PTPRN2: variants seen among roughly 807,000 people sequenced by gnomAD.
The protein encoded by PTPRN2 is receptor-type tyrosine-protein phosphatase N2.
In PTPRN2, 74 loss-of-function variants were observed where a neutral mutation model predicts 118.8. The observed-to-expected ratio is 0.62, with a 90% CI of 0.52 to 0.76. The LOEUF (loss-of-function observed/expected upper bound fraction) is 0.76. Ranked by LOEUF, PTPRN2 falls within the 30% of genes least tolerant of loss-of-function variation. The pLI is 0.00. For missense variants in PTPRN2, 1,481 were observed against 1,394.4 expected, an observed-to-expected ratio of 1.06 and a Z score of -0.99; for synonymous variants, 641 against 608.0, an observed-to-expected ratio of 1.05 and a Z score of -0.80.
At chr7:158,469,219 A>G (rs1819663075) in intron 2 of PTPRN2, among the ~76,000 whole-genome samples, 1 of 152,230 alleles carries the variant, frequency 6.6e-6, no homozygotes, top group Non-Finnish European at 1.5e-5. Flanking sequence ...AGGCAGGTGG[A>G]TCATTTGAGG....
intron 12 of PTPRN2, among the ~76,000 whole-genome samples, chr7:157,724,564 A>T (rs1799422224): frequency 6.6e-6 from 1 of 152,168 alleles, no homozygotes; most frequent in Non-Finnish European, 1.5e-5. Flanking sequence ...TAGGTTAGAG[A>T]CGTACTGGAT....
At chr7:158,146,626 C>T (rs373048748) in intron 6 of PTPRN2, among the ~76,000 whole-genome samples, 6,415 of 136,512 alleles carry the variant, frequency 0.047, 306 homozygotes, top group African/African-American at 0.07. Flanking sequence ...GAGCCTGAGG[C>T]AGAAGAATGG....
intron 3 of PTPRN2, among the ~76,000 whole-genome samples, chr7:158,238,364 G>A (rs1161833847): frequency 6.6e-6 from 1 of 152,018 alleles, no homozygotes; most frequent in Non-Finnish European, 1.5e-5. Context: ...AATAAAGCGG[G>A]GGGTGTGGGT....
At chr7:158,308,176 G>T (rs1801435307) in intron 3 of PTPRN2, among the ~76,000 whole-genome samples, 1 of 152,114 alleles carries the variant, frequency 6.6e-6, no homozygotes, top group Non-Finnish European at 1.5e-5. Context: ...AGACTATGAA[G>T]GCCAAGAGGC....
intron 11 of PTPRN2, among the ~76,000 whole-genome samples, chr7:157,958,757 C>T (rs1441682320): frequency 6.6e-6 from 1 of 152,154 alleles, no homozygotes; most frequent in African/African-American, 2.4e-5. Flanking sequence ...TGAAAGAAGA[C>T]ACAAATAAGT....
rs1025108896 is a variant in PTPRN2, at chr7:157,611,930, C to G, written c.2345-7855G>C. Among the ~76,000 whole-genome samples the G allele has an allele frequency of 2.0e-5, 3 of 152,236 alleles. No homozygotes were observed. The highest frequency in any genetic ancestry group is 4.8e-5 in the African/African-American group (2 of 41,554). ...CGGAGGGAGAGCGCCCGTGTGAAGA[C>G]GAAGACAGCCGTGGTCGTGCTGAGG... is the stretch of plus-strand genomic sequence containing the variant. On this transcript the variant is annotated intron_variant, in intron 15 of 22. Coordinates refer to ENST00000389418, the MANE Select transcript of PTPRN2 (RefSeq NM_002847.5). The surrounding 1 kb of genome is among the most constrained non-coding windows in gnomAD (Gnocchi z 5.9).
intron 12 of PTPRN2, among the ~76,000 whole-genome samples, chr7:157,773,829 G>A (rs553135803): frequency 4.3e-4 from 65 of 152,294 alleles, no homozygotes; most frequent in African/African-American, 1.6e-3. Context: ...AACAATAACT[G>A]GACTGATCCA....
At chr7:158,523,400 A>ATCTGCCCTGGAGCGGAG (rs1563392294) in intron 1 of PTPRN2, among the ~76,000 whole-genome samples, 3 of 57,356 alleles carry the variant, frequency 5.2e-5, no homozygotes, top group African/African-American at 1.7e-4. Flanking sequence ...GAGCGGAGTC[A>ATCTGCCCTGGAGCGGAG]TCTGCCCTGG....
intron 2 of PTPRN2, among the ~76,000 whole-genome samples, chr7:158,337,033 G>C (rs1439481454): frequency 2.3e-5 from 2 of 88,080 alleles, no homozygotes; most frequent in Admixed American, 1.2e-4. Flanking sequence ...GTCACCCACA[G>C]ACATCACTCA....
At position 158,285,728 on chromosome 7, in the gene PTPRN2, C is replaced by T. The variant is rs114529110; in HGVS notation, c.277+31091G>A. ...CAGGGTGGAATGAGGAGTGGAACAG[C>T]GTAGAGCGCGGGCTGTCTATGTCAG... On this transcript the variant is annotated intron_variant, in intron 3 of 22. Coordinates refer to ENST00000389418, the MANE Select transcript of PTPRN2 (RefSeq NM_002847.5). Among the ~76,000 whole-genome samples the T allele has an allele frequency of 7.1e-3, 1,079 of 152,334 alleles. 16 individuals are homozygous for T. The highest frequency in any genetic ancestry group is 0.024 in the African/African-American group (995 of 41,558).
chr7:158,344,511 C>T (rs549346420), intron 2 of PTPRN2, among the ~76,000 whole-genome samples: 29 of 146,850 alleles, frequency 2.0e-4, no homozygotes, highest in African/African-American at 5.8e-4. Context: ...TTATACTCGC[C>T]GGCATTTAAT....
intron 16 of PTPRN2, among the ~76,000 whole-genome samples, chr7:157,601,846 C>T (rs777462787): frequency 6.6e-6 from 1 of 152,212 alleles, no homozygotes; most frequent in Non-Finnish European, 1.5e-5. Context: ...AATGGTTCAT[C>T]TCAGGGAAAA....
rs10273044 is a variant in PTPRN2 at position 158,093,179 on chromosome 7, G to A, written c.1644-11802C>T. ...CGACCCCCACACCATAGACCCACAC[G>A]CAGGCCTGCACCTCTGTCCTTTCCT... On this transcript the variant is annotated intron_variant, in intron 10 of 22. Coordinates refer to ENST00000389418, the MANE Select transcript of PTPRN2 (RefSeq NM_002847.5). The surrounding 1 kb of genome is among the most constrained non-coding windows in gnomAD (Gnocchi z 4.4). Among the ~76,000 whole-genome samples, 1 of 36,854 alleles carries A rather than the reference G, an allele frequency of 2.7e-5. No homozygotes were observed. Among genetic ancestry groups the A allele is most frequent in the African/African-American group, 4.5e-5 (1 of 22,156 alleles). The allele number at this position is 36,854 out of a possible 152,430, so 24.2% of individuals were successfully genotyped here. A position where few individuals can be genotyped will look rare whatever the true frequency, so the allele number is the denominator to read the frequency against.
intron 11 of PTPRN2, among the ~76,000 whole-genome samples, chr7:157,947,837 C>A (rs956831571): frequency 6.6e-6 from 1 of 152,172 alleles, no homozygotes; most frequent in Non-Finnish European, 1.5e-5. Flanking sequence ...TACTTGAGAT[C>A]GTCAATAAGA....
At chr7:158,327,853 T>C (rs1803781149) in intron 2 of PTPRN2, among the ~76,000 whole-genome samples, 1 of 152,080 alleles carries the variant, frequency 6.6e-6, no homozygotes, top group Non-Finnish European at 1.5e-5. Context: ...GCTGGCAGCG[T>C]TGCCAGGGTT....
intron 12 of PTPRN2, among the ~76,000 whole-genome samples, chr7:157,792,643 C>T (rs947249008): frequency 1.3e-5 from 2 of 152,294 alleles, no homozygotes; most frequent in East Asian, 1.9e-4. Context: ...ACCTTGTAAG[C>T]GAATGAGGAA....
At chr7:158,037,416 C>A (rs1304502981) in intron 11 of PTPRN2, among the ~76,000 whole-genome samples, 1 of 152,220 alleles carries the variant, frequency 6.6e-6, no homozygotes, top group Non-Finnish European at 1.5e-5. Flanking sequence ...CCACTGCACA[C>A]CCACAACCTG....
chr7:158,552,752 CT>C (rs1391246612), intron 1 of PTPRN2, among the ~76,000 whole-genome samples: 5 of 152,220 alleles, frequency 3.3e-5, no homozygotes, highest in Admixed American at 6.5e-5. Flanking sequence ...TGGCCCGATA[CT>C]TTCATAATCA....
intron 14 of PTPRN2, among the ~76,000 whole-genome samples, chr7:157,634,765 T>C (rs547780568): frequency 1.3e-5 from 2 of 152,360 alleles, no homozygotes; most frequent in African/African-American, 4.8e-5. Context: ...TGACGTAGGC[T>C]GACAGGGGTT....
Sources: gnomAD v4.1 joint callset for allele counts (sites outside exome capture counted in the v4.1 genomes callset) on GRCh38, gnomAD v4.1.1 for gene constraint, Gnocchi (gnomAD v3.1) non-coding constraint, MANE v1.5 for transcripts, NCBI Gene and HGNC (gene_info 2026-07-23, HGNC 2026-07-21) for gene names.